HS6ST3: variants seen among roughly 807,000 people sequenced by gnomAD.
The protein encoded by HS6ST3 is heparan sulfate 6-O-sulfotransferase 3.
In HS6ST3, 12 loss-of-function variants were observed where a neutral mutation model predicts 36.7. That is an observed-to-expected ratio of 0.33 (90% CI 0.21 to 0.53). HS6ST3 has a LOEUF of 0.53. Ranked by LOEUF, HS6ST3 falls within the 20% of genes least tolerant of loss-of-function variation. HS6ST3 has a pLI of 0.95. For missense variants in HS6ST3, 584 were observed against 640.9 expected, an observed-to-expected ratio of 0.91 and a Z score of 0.96; for synonymous variants, 240 against 257.5, an observed-to-expected ratio of 0.93 and a Z score of 0.65.
chr13:96,495,574 CT>C (rs2055970973), intron 1 of HS6ST3, among the ~76,000 whole-genome samples: 1 of 152,012 alleles, frequency 6.6e-6, no homozygotes, highest in Non-Finnish European at 1.5e-5. Context: ...TTCTTCAGTC[CT>C]GATCAAGCTA....
intron 1 of HS6ST3, among the ~76,000 whole-genome samples, chr13:96,471,735 A>T (rs189763271): frequency 6.6e-6 from 1 of 152,146 alleles, no homozygotes. Flanking sequence ...TTCTGAGTTG[A>T]CCATCACTTT....
intron 1 of HS6ST3, among the ~76,000 whole-genome samples, chr13:96,401,900 T>C (rs2051048090): frequency 6.6e-6 from 1 of 152,346 alleles, no homozygotes; most frequent in East Asian, 1.9e-4. Context: ...TTTAACCTCA[T>C]GCAATGTTAA....
intron 1 of HS6ST3, among the ~76,000 whole-genome samples, chr13:96,184,540 C>T (rs146525151): frequency 4.6e-5 from 7 of 152,250 alleles, no homozygotes; most frequent in East Asian, 1.9e-4. Context: ...CTAGGCCATG[C>T]GCTTTCCCCT....
At chr13:96,715,288 GAAGAACCA>G (rs1875667291) in intron 1 of HS6ST3, among the ~76,000 whole-genome samples, 5 of 152,056 alleles carry the variant, frequency 3.3e-5, no homozygotes, top group African/African-American at 9.7e-5. Flanking sequence ...TCAAATGAAT[GAAGAACCA>G]ATGTCTAGCT....
intron 1 of HS6ST3, among the ~76,000 whole-genome samples, chr13:96,639,724 C>T (rs1244858015): frequency 3.3e-5 from 5 of 151,966 alleles, no homozygotes; most frequent in East Asian, 1.9e-4. Flanking sequence ...AAATAGTCCT[C>T]AGTTTCTATT....
At chr13:96,633,186 T>C in intron 1 of HS6ST3, among the ~76,000 whole-genome samples, 1 of 152,136 alleles carries the variant, frequency 6.6e-6, no homozygotes, top group Non-Finnish European at 1.5e-5. Flanking sequence ...CGGTGTTCCT[T>C]GGACTTCGGC....
chr13:96,396,187 A>G (rs955037438), intron 1 of HS6ST3, among the ~76,000 whole-genome samples: 2 of 151,980 alleles, frequency 1.3e-5, no homozygotes, highest in Non-Finnish European at 2.9e-5. Flanking sequence ...AGTAGTGGAC[A>G]CCTGTAATCC....
intron 1 of HS6ST3, among the ~76,000 whole-genome samples, chr13:96,823,925 T>C (rs924343364): frequency 1.3e-5 from 2 of 152,212 alleles, no homozygotes; most frequent in African/African-American, 4.8e-5. Flanking sequence ...TCTATTTTCT[T>C]CTTTTTTACT....
chr13:96,208,709 A>G (rs571433240), intron 1 of HS6ST3, among the ~76,000 whole-genome samples: 1 of 152,362 alleles, frequency 6.6e-6, no homozygotes, highest in Non-Finnish European at 1.5e-5. Flanking sequence ...CCGAAACACA[A>G]TATTAGACAG....
At chr13:96,472,148 T>C (rs1271572850) in intron 1 of HS6ST3, among the ~76,000 whole-genome samples, 1 of 152,214 alleles carries the variant, frequency 6.6e-6, no homozygotes, top group African/African-American at 2.4e-5. Flanking sequence ...TCTTCTCTAT[T>C]CTATTGCAAG....
intron 1 of HS6ST3, among the ~76,000 whole-genome samples, chr13:96,815,067 G>A (rs61968193): frequency 0.033 from 4,972 of 152,182 alleles, 94 homozygotes; most frequent in African/African-American, 0.043. Context: ...TGGCCACAGT[G>A]ACAAAAGTAC....
At chr13:96,701,859 G>A (rs1875297110) in intron 1 of HS6ST3, among the ~76,000 whole-genome samples, 1 of 152,148 alleles carries the variant, frequency 6.6e-6, no homozygotes, top group South Asian at 2.1e-4. Context: ...CTACTCAGGA[G>A]GCTGAGGTGG....
At chr13:96,459,372 A>G (rs3956457) in intron 1 of HS6ST3, among the ~76,000 whole-genome samples, 94,427 of 151,840 alleles carry the variant, frequency 0.62, 32,417 homozygotes, top group South Asian at 0.79. Flanking sequence ...GGGCTATCAG[A>G]ACCATTATGG....
chr13:96,465,081 A>G (rs2055805692), intron 1 of HS6ST3, among the ~76,000 whole-genome samples: 2 of 152,094 alleles, frequency 1.3e-5, no homozygotes, highest in Non-Finnish European at 2.9e-5. Context: ...CCATGTGGGC[A>G]AAAACTAGGA....
intron 1 of HS6ST3, among the ~76,000 whole-genome samples, chr13:96,246,984 A>G (rs779129346): frequency 2.0e-5 from 3 of 152,188 alleles, no homozygotes; most frequent in Non-Finnish European, 4.4e-5. Context: ...AAAAAAATAG[A>G]GGAAAGTATT....
intron 1 of HS6ST3, among the ~76,000 whole-genome samples, chr13:96,673,005 C>G (rs1166379634): frequency 6.6e-6 from 1 of 152,124 alleles, no homozygotes; most frequent in Non-Finnish European, 1.5e-5. Context: ...CAACATTGGG[C>G]TGAAATCAAG....
chr13:96,115,330 T>C (rs1566885564), intron 1 of HS6ST3, among the ~76,000 whole-genome samples: 1 of 152,194 alleles, frequency 6.6e-6, no homozygotes, highest in African/African-American at 2.4e-5. Context: ...TACAGGTTTG[T>C]TACATAGGTG....
At chr13:96,516,171 C>T (rs74403315) in intron 1 of HS6ST3, among the ~76,000 whole-genome samples, 13,512 of 151,682 alleles carry the variant, frequency 0.089, 723 homozygotes, top group East Asian at 0.23. Flanking sequence ...AAGCGATTCT[C>T]CTGCTTCAGC....
chr13:96,583,217 T>TTC (rs2056348772), intron 1 of HS6ST3, among the ~76,000 whole-genome samples: 1 of 115,536 alleles, frequency 8.7e-6, no homozygotes, highest in Non-Finnish European at 1.8e-5. Flanking sequence ...TTTTTTTTTT[T>TTC]TTTTTTTTTT....
Sources: gnomAD v4.1 joint callset for allele counts (sites outside exome capture counted in the v4.1 genomes callset) on GRCh38, gnomAD v4.1.1 for gene constraint, MANE v1.5 for transcripts, NCBI Gene and HGNC (gene_info 2026-07-23, HGNC 2026-07-21) for gene names.